The following CEP97 variants were observed in gnomAD, a reference collection of about 807,000 sequenced individuals.
CEP97 encodes the protein centrosomal protein of 97 kDa.
A neutral mutation model predicts 73.1 loss-of-function variants in CEP97; 43 were observed. That is an observed-to-expected ratio of 0.59 (90% CI 0.46 to 0.76). The LOEUF is 0.76. CEP97 is among the 30% of genes least tolerant of loss of function. The pLI is 0.00. For synonymous variants in CEP97, 337 were observed against 370.0 expected (o/e 0.91, Z 1.02); for missense variants, 939 against 1,014.0 (o/e 0.93, Z 1.00).
In CEP97 at chr3:101,766,064, C is replaced by T. The variant is rs1276575607; in HGVS notation, c.*513C>T. Reference sequence around the variant, plus strand: ...AAAATGTTTTTTTAAAGCCTTTTTTCCTCCTTTCGGAGTCAAGGAAAGCCT... The same window carrying T: ...AAAATGTTTTTTTAAAGCCTTTTTTTCTCCTTTCGGAGTCAAGGAAAGCCT... On this transcript the variant is annotated 3_prime_UTR_variant, in exon 11 of 11. Transcript: ENST00000341893. 1 of 151,880 alleles carries T rather than the reference C, an allele frequency of 6.6e-6. No individual in the cohort carries two copies. The highest frequency in any genetic ancestry group is 1.5e-5 in the Non-Finnish European group (1 of 67,972). The allele number at this position is 151,880 out of a possible 1,614,324, so 9.4% of individuals were successfully genotyped here.
intron 9 of CEP97, among the ~76,000 whole-genome samples, chr3:101,759,946 T>A (rs1389122715): frequency 1.4e-5 from 2 of 144,948 alleles, no homozygotes; most frequent in Non-Finnish European, 3.0e-5. Flanking sequence ...ACATTCTCTT[T>A]TGTAGATGAG....
chr3:101,748,476 G>A (rs1938695799), intron 6 of CEP97, among the ~76,000 whole-genome samples: 1 of 152,064 alleles, frequency 6.6e-6, no homozygotes. Context: ...AATATTGCTT[G>A]CTGAGAAATA....
chr3:101,726,502 G>C, intron 1 of CEP97, 92 bp from the exon 2 acceptor site: 6 of 883,476 alleles, frequency 6.8e-6, no homozygotes, highest in Non-Finnish European at 9.9e-6. Context: ...AACTTGAAAT[G>C]GTATAGAGAT....
chr3:101,732,298 G>A (rs1359301973), intron 5 of CEP97, among the ~76,000 whole-genome samples, 190 bp from the exon 6 acceptor site: 1 of 152,200 alleles, frequency 6.6e-6, no homozygotes. Context: ...ATATTTGCCA[G>A]GGGATTTTGT....
intron 10 of CEP97, chr3:101,763,046 T>C: frequency 8.1e-7 from 1 of 1,227,708 alleles, no homozygotes; most frequent in Non-Finnish European, 1.1e-6. Context: ...TCACATCAAA[T>C]ACTTCTTGAT....
chr3:101,756,936 C>T, intron 7 of CEP97, 127 bp from the exon 8 acceptor site: 1 of 782,482 alleles, frequency 1.3e-6, no homozygotes, highest in Non-Finnish European at 2.0e-6. Flanking sequence ...TATAATTTGG[C>T]ATTAATTAAA....
chr3:101,737,061 T>G (rs1014672799), intron 6 of CEP97, among the ~76,000 whole-genome samples: 7 of 152,212 alleles, frequency 4.6e-5, no homozygotes, highest in Middle Eastern at 3.4e-3. Flanking sequence ...GTATCAATAG[T>G]CGATTTGATC....
In CEP97 at chr3:101,765,383, T is replaced by C. The variant is rs933689262; in HGVS notation, c.2430T>C (p.Asp810=). The change falls in exon 11 of 11, where the codon GAT becomes GAC. Residue 810 remains aspartate, a synonymous_variant. Coordinates refer to ENST00000341893, the MANE Select transcript of CEP97 (RefSeq NM_024548.4). ...TTGCTTGTTTCCCAGTACAGTTAGA[T>C]ACATTGTCTGACGGTGCTTCTGTAG... ...LHIACFPVQL[D]TLSDGASVDE... is the part of the protein sequence containing the mutation. 1 of 1,614,086 alleles carries C rather than the reference T, an allele frequency of 6.2e-7. No homozygotes were observed. The highest frequency in any genetic ancestry group is 1.3e-5 in the African/African-American group (1 of 74,942).
At chr3:101,726,052 C>G (rs1937877186) in intron 1 of CEP97, among the ~76,000 whole-genome samples, 1 of 152,108 alleles carries the variant, frequency 6.6e-6, no homozygotes, top group African/African-American at 2.4e-5. Flanking sequence ...ACTAAAGTGC[C>G]TTATTGAGTG....
chr3:101,743,871 G>T (rs188997071), intron 6 of CEP97, among the ~76,000 whole-genome samples: 2 of 152,022 alleles, frequency 1.3e-5, no homozygotes, highest in Admixed American at 6.6e-5. Context: ...GGGTATGGTC[G>T]CGCGTGCCTA....
At chr3:101,732,046 C>T in intron 5 of CEP97, 93 bp downstream of exon 5, 2 of 742,928 alleles carry the variant, frequency 2.7e-6, no homozygotes, top group Non-Finnish European at 4.7e-6. Flanking sequence ...AGACTGTGAG[C>T]ATCTTGGAAG....
At chr3:101,729,714 T>C (rs898691883) in intron 4 of CEP97, among the ~76,000 whole-genome samples, 9 of 152,028 alleles carry the variant, frequency 5.9e-5, no homozygotes, top group Non-Finnish European at 1.5e-5. Context: ...ACCATAGGCA[T>C]GTGTACATCA....
At position 101,758,422 on chromosome 3, in the gene CEP97, A is replaced by G; in HGVS notation, c.1816A>G (p.Arg606Gly). ...HIVCLTDEIR[R>G]LRKERDEERI... Reference sequence around the variant, plus strand: ...TGTCTGCTTAACTGATGAAATAAGGAGGTGGGTCAGAAGTCCTTTTGATGC... The same window carrying G: ...TGTCTGCTTAACTGATGAAATAAGGGGGTGGGTCAGAAGTCCTTTTGATGC... Residue 606 changes from arginine (R) to glycine (G), a missense_variant and splice_region_variant, in exon 9 of 11, where the codon AGA becomes GGA. By Grantham distance (125) the Arg-to-Gly change is moderately radical. Transcript: ENST00000341893. The G allele has an allele frequency of 6.2e-7, 1 of 1,613,808 alleles. No homozygotes were observed. The highest frequency in any genetic ancestry group is 8.5e-7 in the Non-Finnish European group (1 of 1,180,030).
At chr3:101,761,175 A>AT (rs1462297691) in intron 9 of CEP97, among the ~76,000 whole-genome samples, 1 of 152,160 alleles carries the variant, frequency 6.6e-6, no homozygotes, top group Non-Finnish European at 1.5e-5. Context: ...GCTGGCTGGA[A>AT]TTTTAAATGA....
chr3:101,738,816 C>A (rs1459597625), intron 6 of CEP97, among the ~76,000 whole-genome samples: 1 of 151,936 alleles, frequency 6.6e-6, no homozygotes, highest in African/African-American at 2.4e-5. Context: ...TAGCAGAAAA[C>A]AAGAAATAAC....
chr3:101,747,037 T>G (rs1938639373), intron 6 of CEP97, among the ~76,000 whole-genome samples: 1 of 149,380 alleles, frequency 6.7e-6, no homozygotes, highest in African/African-American at 2.5e-5. Flanking sequence ...CAACAGGTGC[T>G]GGAGAGGATG....
chr3:101,765,396 G>T lies in CEP97; in HGVS notation c.2443G>T (p.Gly815Cys), dbSNP rs747591427. 6.2e-7 allele frequency: 1 copy of T among 1,613,982 alleles called. No homozygotes were observed. Among genetic ancestry groups the T allele is most frequent in the African/African-American group, 1.3e-5 (1 of 74,918 alleles). ...FPVQLDTLSD[G>C]ASVDESHGIS... ...AGTACAGTTAGATACATTGTCTGAC[G>T]GTGCTTCTGTAGATGAGAGTCATGG... The change falls in exon 11 of 11, where the codon GGT (glycine) becomes TGT (cysteine). Residue 815 changes from glycine to cysteine, a missense_variant. Coordinates refer to ENST00000341893, the MANE Select transcript of CEP97 (RefSeq NM_024548.4).
At position 101,728,911 on chromosome 3, in the gene CEP97, G is replaced by A. The variant is rs1438278219; in HGVS notation, c.421G>A (p.Asp141Asn). The A allele has an allele frequency of 1.9e-6, 3 of 1,575,052 alleles. No individual in the cohort carries two copies. Among genetic ancestry groups the A allele is most frequent in the Non-Finnish European group, 2.6e-6 (3 of 1,144,642 alleles). Reference sequence around the variant, plus strand: ...AGACAATAATATATCCCAGATAGGTGATCTATCTAAATTGGTATCCCTGAA... The same window carrying A: ...AGACAATAATATATCCCAGATAGGTAATCTATCTAAATTGGTATCCCTGAA... The part of the protein sequence containing the change: ...LSDNNISQIG[D>N]LSKLVSLKTL... Residue 141 changes from aspartate to asparagine, a missense_variant, in exon 4 of 11, where the codon GAT becomes AAT. By Grantham distance (23) the Asp-to-Asn change is conservative (BLOSUM62 1). Transcript: ENST00000341893.
intron 4 of CEP97, among the ~76,000 whole-genome samples, chr3:101,730,515 C>T (rs539689326): frequency 5.9e-5 from 9 of 151,272 alleles, no homozygotes; most frequent in South Asian, 2.1e-4. Flanking sequence ...CCACCCGCCT[C>T]GGCCTCCCAA....
Sources: allele counts gnomAD v4.1 joint callset (sites outside exome capture counted in the v4.1 genomes callset), GRCh38; gene constraint gnomAD v4.1.1; transcripts MANE v1.5; gene names NCBI Gene and HGNC (gene_info 2026-07-23, HGNC 2026-07-21).